Variants in ESR1 observed in about 807,000 individuals in gnomAD.
ESR1 encodes estrogen receptor 1, also known as estrogen receptor.
A neutral mutation model predicts 52.7 loss-of-function variants in ESR1; 12 were observed. The ratio of observed to expected loss-of-function variants is 0.23; its 90% CI spans 0.15 to 0.37. The LOEUF is 0.37. ESR1 is among the 10% of genes least tolerant of loss of function. The pLI is 1.00. For synonymous variants in ESR1, 305 were observed against 316.8 expected (o/e 0.96, Z 0.39); for missense variants, 584 against 779.7 (o/e 0.75, Z 2.99).
intron 4 of ESR1, among the ~76,000 whole-genome samples, chr6:152,004,202 C>A (rs1054282302): frequency 6.6e-6 from 1 of 151,968 alleles, no homozygotes; most frequent in Non-Finnish European, 1.5e-5. Context: ...GATGACTAAA[C>A]TGTGCACATG....
rs367804798 is a variant in ESR1, at chr6:151,755,223, A to C, written c.-70-52620A>C. ...AGACCCTGCCTCAAAAAAAAAAAAC[A>C]AAAACCAAAACCAAAACCAAAAAAA... On this transcript the variant is annotated intron_variant, in intron 2 of 2. Transcript: ENST00000404742. Among the ~76,000 whole-genome samples, 180 of 149,978 alleles carry C rather than the reference A, an allele frequency of 1.2e-3. 1 individual carries two copies. The highest frequency in any genetic ancestry group is 3.9e-3 in the African/African-American group (155 of 39,726).
At chr6:152,040,248 C>T (rs4289664) in intron 5 of ESR1, among the ~76,000 whole-genome samples, 17,915 of 152,158 alleles carry the variant, frequency 0.12, 1,318 homozygotes, top group East Asian at 0.33. Flanking sequence ...TGAGCCCGTG[C>T]GTAACCTCCA....
At chr6:152,038,205 T>TG (rs1029582106) in intron 5 of ESR1, among the ~76,000 whole-genome samples, 2 of 152,176 alleles carry the variant, frequency 1.3e-5, no homozygotes, top group African/African-American at 2.4e-5. Flanking sequence ...GGGAGAAAGA[T>TG]GGAAGCCAGA....
At chr6:151,775,724 T>C (rs960218076) in intron 2 of ESR1, among the ~76,000 whole-genome samples, 18 of 143,100 alleles carry the variant, frequency 1.3e-4, no homozygotes, top group African/African-American at 3.7e-4. Flanking sequence ...CCAGCCTGGG[T>C]GACAAATCGA....
At chr6:152,109,044 C>T (rs890827268) in intron 6 of ESR1, among the ~76,000 whole-genome samples, 46 of 152,070 alleles carry the variant, frequency 3.0e-4, no homozygotes, top group African/African-American at 1.1e-3. Flanking sequence ...TCTTACTTTG[C>T]CAGGAGGAGA....
intron 4 of ESR1, among the ~76,000 whole-genome samples, chr6:151,966,379 CCTGTAGGTCCT>C (rs2038274983): frequency 6.6e-6 from 1 of 152,092 alleles, no homozygotes; most frequent in Admixed American, 6.5e-5. Context: ...TTCATTTAAT[CCTGTAGGTCCT>C]CAATAGGCTT....
chr6:151,835,108 C>T (rs1164714935), intron 1 of ESR1, among the ~76,000 whole-genome samples: 1 of 152,080 alleles, frequency 6.6e-6, no homozygotes, highest in Non-Finnish European at 1.5e-5. Flanking sequence ...AGGTGTTTTT[C>T]AGAGAAGAGG....
chr6:152,088,776 G>A (rs557797241), intron 6 of ESR1, among the ~76,000 whole-genome samples: 23 of 152,220 alleles, frequency 1.5e-4, no homozygotes, highest in African/African-American at 5.3e-4. Context: ...CCTTTTCTTT[G>A]TAAATTATCC....
At chr6:151,799,944 G>T (rs1777071592), upstream of ESR1, among the ~76,000 whole-genome samples, 1 of 152,200 alleles carries the variant, frequency 6.6e-6, no homozygotes, top group Non-Finnish European at 1.5e-5. Flanking sequence ...GTTGGGGAGG[G>T]TGGGGACTCT....
At chr6:151,868,885 C>T (rs996180985) in intron 2 of ESR1, among the ~76,000 whole-genome samples, 2 of 152,074 alleles carry the variant, frequency 1.3e-5, no homozygotes, top group African/African-American at 4.8e-5. Flanking sequence ...GAGTGAAACC[C>T]CTTATTAAGC....
chr6:151,928,714 C>G (rs1299147459), intron 3 of ESR1, among the ~76,000 whole-genome samples: 1 of 151,906 alleles, frequency 6.6e-6, no homozygotes, highest in African/African-American at 2.4e-5. Context: ...GAATTTTTCT[C>G]TAAGCACTGC....
intron 5 of ESR1, among the ~76,000 whole-genome samples, chr6:152,029,752 C>A (rs1017485399): frequency 6.6e-6 from 1 of 152,176 alleles, no homozygotes; most frequent in Non-Finnish European, 1.5e-5. Flanking sequence ...CCCAATCTAG[C>A]AAGGCAGGCC....
intron 2 of ESR1, among the ~76,000 whole-genome samples, chr6:151,790,560 GAA>G (rs1172004182): frequency 6.6e-6 from 1 of 151,496 alleles, no homozygotes; most frequent in Non-Finnish European, 1.5e-5. Flanking sequence ...AGAGAAGAGA[GAA>G]GAGAGAAACG....
intron 5 of ESR1, among the ~76,000 whole-genome samples, chr6:152,026,034 T>A (rs1254083609): frequency 6.6e-6 from 1 of 152,072 alleles, no homozygotes; most frequent in African/African-American, 2.4e-5. Context: ...TTGTTTTTTG[T>A]TTTACTGTTT....
intron 3 of ESR1, among the ~76,000 whole-genome samples, chr6:151,887,876 A>G (rs917659337): frequency 2.6e-5 from 4 of 152,130 alleles, no homozygotes; most frequent in African/African-American, 7.2e-5. Flanking sequence ...ACGGCATGAG[A>G]TAAGTGTCCA....
intron 1 of ESR1, among the ~76,000 whole-genome samples, chr6:151,677,705 G>T (rs1463905413): frequency 6.6e-6 from 1 of 152,026 alleles, no homozygotes; most frequent in Non-Finnish European, 1.5e-5. Context: ...TTTTTCCTTT[G>T]GCCTGTGCTT....
intron 3 of ESR1, among the ~76,000 whole-genome samples, chr6:151,896,461 G>A (rs1795521435): frequency 6.6e-6 from 1 of 152,100 alleles, no homozygotes; most frequent in South Asian, 2.1e-4. Context: ...AGGTTTTCTA[G>A]TTTATGTGTG....
chr6:152,031,433 G>A (rs1177260190), intron 5 of ESR1, among the ~76,000 whole-genome samples: 3 of 151,978 alleles, frequency 2.0e-5, no homozygotes, highest in African/African-American at 7.2e-5. Flanking sequence ...TCAAATAGAT[G>A]CAATAAAAAA....
At chr6:151,765,106 T>C (rs1381813071) in intron 2 of ESR1, among the ~76,000 whole-genome samples, 1 of 152,240 alleles carries the variant, frequency 6.6e-6, no homozygotes, top group African/African-American at 2.4e-5. Context: ...AATTTTGACA[T>C]GTTCTAAATA....
Sources: gnomAD v4.1 joint callset for allele counts (sites outside exome capture counted in the v4.1 genomes callset) on GRCh38, gnomAD v4.1.1 for gene constraint, MANE v1.5 for transcripts, NCBI Gene and HGNC (gene_info 2026-07-23, HGNC 2026-07-21) for gene names.